Variants in SHISA6 observed in about 807,000 individuals in gnomAD.
SHISA6 encodes protein shisa-6.
A neutral mutation model predicts 47.9 loss-of-function variants in SHISA6; 22 were observed. The ratio of observed to expected loss-of-function variants is 0.46; its 90% CI spans 0.33 to 0.66. The LOEUF is 0.66. SHISA6 is among the 30% of genes least tolerant of loss of function. The pLI, the probability that SHISA6 is intolerant of heterozygous loss-of-function variation, is 0.02. For missense variants in SHISA6, 680 were observed against 764.6 expected, an observed-to-expected ratio of 0.89 and a Z score of 1.30; for synonymous variants, 388 against 337.8, an observed-to-expected ratio of 1.15 and a Z score of -1.63.
At chr17:11,452,061 C>T (rs1915414936) in intron 3 of SHISA6, among the ~76,000 whole-genome samples, 1 of 152,190 alleles carries the variant, frequency 6.6e-6, no homozygotes, top group Admixed American at 6.5e-5. Context: ...ATGCCTGGCT[C>T]TGTGTAGGAG....
intron 2 of SHISA6, among the ~76,000 whole-genome samples, chr17:11,321,239 A>G (rs1178563236): frequency 1.3e-5 from 2 of 152,166 alleles, no homozygotes; most frequent in Admixed American, 6.5e-5. Flanking sequence ...TATGTATCGT[A>G]TGTATCAGGA....
chr17:11,292,815 A>G (rs988440019), intron 2 of SHISA6, among the ~76,000 whole-genome samples: 3 of 149,534 alleles, frequency 2.0e-5, no homozygotes, highest in African/African-American at 7.4e-5. Context: ...AGGAGCCACA[A>G]TCAGATTGAT....
rs189669135 is a variant in SHISA6 at position 11,468,435 on chromosome 17, C to A, written c.896-83461C>A. Among the ~76,000 whole-genome samples the A allele has an allele frequency of 5.9e-5, 9 of 152,108 alleles. No homozygotes were observed. In the East Asian group the frequency reaches 1.8e-3, roughly 30 times the overall value. ...TGCAGCCTGCATTCTAGGGCTCCTA[C>A]AAAAGTGGGCTACTGTGCCTGATTC... is the stretch of plus-strand genomic sequence containing the variant. On this transcript the variant is annotated intron_variant, in intron 3 of 5. Transcript: ENST00000441885.
intron 3 of SHISA6, among the ~76,000 whole-genome samples, chr17:11,519,593 C>T (rs779904770): frequency 3.9e-5 from 6 of 152,212 alleles, no homozygotes; most frequent in Admixed American, 6.5e-5. Flanking sequence ...CAACTACGAA[C>T]GTACTTAACG....
At chr17:11,334,533 C>A (rs1911250775) in intron 2 of SHISA6, among the ~76,000 whole-genome samples, 1 of 152,180 alleles carries the variant, frequency 6.6e-6, no homozygotes, top group African/African-American at 2.4e-5. Context: ...GCTCTGCCCT[C>A]CAGGAGAGCG....
At chr17:11,289,548 G>T (rs1163571688) in intron 2 of SHISA6, 1 of 129,634 alleles carries the variant, frequency 7.7e-6, no homozygotes, top group Non-Finnish European at 1.7e-5. Context: ...CCCTGGAAAA[G>T]AATCTTTTAA....
At chr17:11,248,861 C>G (rs1224825658) in intron 1 of SHISA6, among the ~76,000 whole-genome samples, 2 of 152,124 alleles carry the variant, frequency 1.3e-5, no homozygotes, top group Non-Finnish European at 2.9e-5. Context: ...AATTCAGGGC[C>G]AGGCACAGTG....
rs753615729 is a variant in SHISA6, at chr17:11,557,828, C to A, written c.1180C>A (p.Leu394Ile). The A allele has an allele frequency of 1.6e-5, 25 of 1,551,302 alleles. No homozygotes were observed. The highest frequency in any genetic ancestry group is 2.2e-5 in the Non-Finnish European group (25 of 1,147,002). Residue 394 changes from leucine (L) to isoleucine (I), a missense_variant, in exon 6 of 6, where the codon CTC (leucine) becomes ATC (isoleucine). Physicochemically the swap from Leu to Ile is conservative, Grantham distance 5 (BLOSUM62 2). Coordinates refer to ENST00000441885, the MANE Select transcript of SHISA6 (RefSeq NM_207386.4). ...CCTGGCTGCCCGCGGCACCCTCCCC[C>A]TCAATGTCATCCAGATGTCCCAACA... ...PDLAARGTLP[L>I]NVIQMSQQKP...
intron 3 of SHISA6, among the ~76,000 whole-genome samples, chr17:11,453,171 C>T (rs1482082948): frequency 6.6e-6 from 1 of 152,138 alleles, no homozygotes; most frequent in African/African-American, 2.4e-5. Flanking sequence ...TGAAAGCAGT[C>T]CCTAAACAGG....
In SHISA6 at chr17:11,561,271, T is replaced by G. The variant is rs2072040729; in HGVS notation, c.*2967T>G. On this transcript the variant is annotated 3_prime_UTR_variant, in exon 6 of 6. Coordinates refer to ENST00000441885, the MANE Select transcript of SHISA6 (RefSeq NM_207386.4). ...AAGCCTAAAGCCCAAGATTTCCCTC[T>G]CCTTGTTTTATTCATTTTTGCACAT... 1 of 152,330 alleles carries G rather than the reference T, an allele frequency of 6.6e-6. No individual in the cohort carries two copies. The highest frequency in any genetic ancestry group is 6.5e-5 in the Admixed American group (1 of 15,288). The allele number at this position is 152,330 out of a possible 1,614,324, so 9.4% of individuals were successfully genotyped here. A position where few individuals can be genotyped will look rare whatever the true frequency, so the allele number is the denominator to read the frequency against.
intron 3 of SHISA6, among the ~76,000 whole-genome samples, chr17:11,493,111 A>G (rs1021831803): frequency 6.6e-5 from 10 of 152,192 alleles, no homozygotes; most frequent in African/African-American, 2.4e-4. Context: ...TTGGCTAATG[A>G]TTGCTGTGAG....
intron 2 of SHISA6, among the ~76,000 whole-genome samples, chr17:11,377,427 A>G (rs1320200775): frequency 1.3e-5 from 2 of 152,210 alleles, no homozygotes; most frequent in Non-Finnish European, 2.9e-5. Flanking sequence ...CTGATGCACG[A>G]AGGCATTACT....
chr17:11,291,854 G>C (rs971690842), intron 2 of SHISA6, among the ~76,000 whole-genome samples: 3 of 152,078 alleles, frequency 2.0e-5, no homozygotes, highest in African/African-American at 7.2e-5. Flanking sequence ...ACATCAGTTT[G>C]ACTAGATTAG....
chr17:11,553,457 CCTT>C (rs1285349988), intron 4 of SHISA6, among the ~76,000 whole-genome samples: 1 of 152,188 alleles, frequency 6.6e-6, no homozygotes, highest in East Asian at 1.9e-4. Context: ...ATTCTTCCCT[CCTT>C]CTCTTCCTGT....
In SHISA6 at chr17:11,447,415, C is replaced by T. The variant is rs548255924; in HGVS notation, c.895+67906C>T. ...TGAGTGGTTGAACATTTTAGCTTAA[C>T]TGCTGCTGACCTCAGAGAAGACCCC... On this transcript the variant is annotated intron_variant, in intron 3 of 5. Transcript: ENST00000441885. 1.2e-4 allele frequency among the ~76,000 whole-genome samples: 18 copies of T among 152,308 alleles called. No individual in the cohort carries two copies. In the South Asian group the frequency reaches 3.7e-3, roughly 32 times the overall value.
chr17:11,339,521 T>A (rs1911453761), intron 2 of SHISA6, among the ~76,000 whole-genome samples: 1 of 152,220 alleles, frequency 6.6e-6, no homozygotes, highest in Non-Finnish European at 1.5e-5. Flanking sequence ...TTTTGAGGGA[T>A]AACTGTGGAA....
intron 3 of SHISA6, among the ~76,000 whole-genome samples, chr17:11,522,880 C>A (rs1311193888): frequency 1.3e-5 from 2 of 152,212 alleles, no homozygotes; most frequent in African/African-American, 2.4e-5. Context: ...TAATACTTTA[C>A]ACGTAGGCTT....
At chr17:11,546,978 A>G (rs1386909824) in intron 3 of SHISA6, among the ~76,000 whole-genome samples, 1 of 152,214 alleles carries the variant, frequency 6.6e-6, no homozygotes, top group African/African-American at 2.4e-5. Context: ...AATGTCGATA[A>G]ATGGTACATG....
chr17:11,405,177 C>A (rs1485914884), intron 3 of SHISA6, among the ~76,000 whole-genome samples: 2 of 152,130 alleles, frequency 1.3e-5, no homozygotes, highest in Middle Eastern at 3.2e-3. Flanking sequence ...CCAAGATAAT[C>A]CTGATACACA....
Sources: gnomAD v4.1 joint callset for allele counts (sites outside exome capture counted in the v4.1 genomes callset) on GRCh38, gnomAD v4.1.1 for gene constraint, MANE v1.5 for transcripts, NCBI Gene and HGNC (gene_info 2026-07-23, HGNC 2026-07-21) for gene names.